Variants in HDGFL3 observed in about 807,000 individuals in gnomAD.
HDGFL3 encodes the protein HDGF like 3, also known as hepatoma-derived growth factor-related protein 3.
A neutral mutation model predicts 27.6 loss-of-function variants in HDGFL3; 6 were observed. That is an observed-to-expected ratio of 0.22 (90% confidence interval 0.12 to 0.43). The LOEUF (loss-of-function observed/expected upper bound fraction) is 0.43, where lower values mean the gene tolerates loss of function less well. Ranked by LOEUF, HDGFL3 falls within the 20% of genes least tolerant of loss-of-function variation. The probability of loss-of-function intolerance (pLI) is 1.00; values close to 1 mark genes in which losing one functional copy is unlikely to be tolerated. For missense variants in HDGFL3, 207 were observed against 250.1 expected (o/e 0.83, Z 1.16); for synonymous variants, 88 against 88.9 (o/e 0.99, Z 0.05).
chr15:83,197,222 C>T (rs922757798), intron 1 of HDGFL3, among the ~76,000 whole-genome samples: 1 of 152,194 alleles, frequency 6.6e-6, no homozygotes, highest in African/African-American at 2.4e-5. Context: ...AGTTCTTGAA[C>T]ACCTGGCATA....
At chr15:83,127,341 TTC>T (rs768361112), downstream of HDGFL3, 1 of 1,570,556 alleles carries the variant, frequency 6.4e-7, no homozygotes. Context: ...ATGATGTTAT[TTC>T]TCTGTTCAAT....
At position 83,121,356 on chromosome 15, in the gene HDGFL3, A is replaced by T. The variant is rs547918852; in HGVS notation, c.394-5615T>A. ...CTCAGCTTCTCAAAGTGCTGGGATT[A>T]CAGGCATGAGCCACCATGCTCGGCC... On this transcript the variant is annotated intron_variant, in intron 3 of 3. Coordinates refer to the HDGFL3 transcript ENST00000568294. 2.6e-4 allele frequency among the ~76,000 whole-genome samples: 40 copies of T among 151,750 alleles called. 2 individuals carry two copies. In the South Asian group the frequency reaches 7.9e-3, roughly 30 times the overall value.
intron 1 of HDGFL3, among the ~76,000 whole-genome samples, chr15:83,182,520 A>G (rs1460248865): frequency 6.6e-6 from 1 of 152,200 alleles, no homozygotes; most frequent in Non-Finnish European, 1.5e-5. Context: ...TCTTTAAAAC[A>G]CTATGCTAAA....
At chr15:83,192,770 G>A (rs1442541735) in intron 1 of HDGFL3, among the ~76,000 whole-genome samples, 1 of 152,164 alleles carries the variant, frequency 6.6e-6, no homozygotes, top group Non-Finnish European at 1.5e-5. Context: ...AAAAGTGGTA[G>A]CACAACCAAT....
intron 1 of HDGFL3, among the ~76,000 whole-genome samples, chr15:83,206,320 T>C (rs1377298562): frequency 1.3e-5 from 2 of 152,214 alleles, no homozygotes; most frequent in Non-Finnish European, 2.9e-5. Flanking sequence ...ACTGTTTCCG[T>C]TCCTAAAGAA....
intron 1 of HDGFL3, among the ~76,000 whole-genome samples, chr15:83,170,592 T>C (rs1042531979): frequency 2.6e-5 from 4 of 152,146 alleles, no homozygotes; most frequent in East Asian, 1.9e-4. Context: ...AAGTTCTAAA[T>C]GTAAGACCTC....
chr15:83,164,908 G>A (rs996666176), intron 1 of HDGFL3, among the ~76,000 whole-genome samples: 1 of 152,196 alleles, frequency 6.6e-6, no homozygotes, highest in African/African-American at 2.4e-5. Context: ...GAAACTGCAT[G>A]GAGTTGTTTA....
chr15:83,193,393 C>T (rs2037534988), intron 1 of HDGFL3, among the ~76,000 whole-genome samples: 1 of 152,118 alleles, frequency 6.6e-6, no homozygotes, highest in Non-Finnish European at 1.5e-5. Flanking sequence ...CCACCTCACA[C>T]CCATTAGGAT....
intron 4 of HDGFL3, among the ~76,000 whole-genome samples, chr15:83,151,816 TG>T (rs1264100639): frequency 2.0e-5 from 3 of 152,224 alleles, no homozygotes; most frequent in African/African-American, 7.2e-5. Flanking sequence ...ATATTCATGC[TG>T]GAACACCTCT....
In HDGFL3 at chr15:83,121,905, G is replaced by T. The variant is rs190032138; in HGVS notation, c.394-6164C>A. 1,758 of 1,569,098 alleles carry T rather than the reference G, an allele frequency of 1.1e-3. 4 individuals carry two copies. In the African/African-American group the frequency reaches 0.013, roughly 11 times the overall value. ...AAACATACCAAGTCAAGATTTTTTT[G>T]TTGTTGTTGTTACAGGGAAACTTAT... is the stretch of plus-strand genomic sequence containing the variant. On this transcript the variant is annotated intron_variant, in intron 3 of 3. Transcript: ENST00000568294.
At chr15:83,192,768 T>C (rs909643141) in intron 1 of HDGFL3, among the ~76,000 whole-genome samples, 2 of 152,220 alleles carry the variant, frequency 1.3e-5, no homozygotes, top group African/African-American at 4.8e-5. Context: ...ATAAAAGTGG[T>C]AGCACAACCA....
In HDGFL3 at chr15:83,136,788, TTGCTC is replaced by T; in HGVS notation, c.*2477_*2481del. 1 of 900,122 alleles carries T rather than the reference TTGCTC, an allele frequency of 1.1e-6. No homozygotes were observed. The highest frequency in any genetic ancestry group is 1.8e-5 in the South Asian group (1 of 55,132). The allele number at this position is 900,122 out of a possible 1,614,324, so 55.8% of individuals were successfully genotyped here. A position where few individuals can be genotyped will look rare whatever the true frequency, so the allele number is the denominator to read the frequency against. ...TGAGTACTTAAGAATATGTACATTC[TTGCTC>T]TGCACTGTATGTGTGAGCTATATGG... On this transcript the variant is annotated 3_prime_UTR_variant, in exon 6 of 6. Coordinates refer to ENST00000299633, the MANE Select transcript of HDGFL3 (RefSeq NM_016073.4).
intron 1 of HDGFL3, among the ~76,000 whole-genome samples, chr15:83,191,478 T>C (rs558382094): frequency 4.6e-5 from 7 of 152,198 alleles, no homozygotes; most frequent in Non-Finnish European, 7.3e-5. Flanking sequence ...ATTCTTCCCA[T>C]ACTAATCCAA....
rs958390195 is a variant in HDGFL3, at chr15:83,133,420, C to A, written c.*5850G>T. ...TCTCTATACATGTAAGAAAACAGCT[C>A]TTAAAATTTAACCTTTGTTCACCTT... On this transcript the variant is annotated 3_prime_UTR_variant, in exon 6 of 6. Coordinates refer to ENST00000299633, the MANE Select transcript of HDGFL3 (RefSeq NM_016073.4). The A allele has an allele frequency of 1.3e-5, 2 of 152,166 alleles. No individual in the cohort carries two copies. The highest frequency in any genetic ancestry group is 2.9e-5 in the Non-Finnish European group (2 of 68,032). 9.4% of individuals were successfully genotyped at this position (152,166 alleles called of 1,614,324 possible). A position where few individuals can be genotyped will look rare whatever the true frequency, so the allele number is the denominator to read the frequency against.
intron 1 of HDGFL3, among the ~76,000 whole-genome samples, chr15:83,183,827 C>A (rs1022734031): frequency 6.6e-6 from 1 of 151,748 alleles, no homozygotes; most frequent in Admixed American, 6.6e-5. Flanking sequence ...GTTTCCAGTT[C>A]TAAACCTGGT....
chr15:83,158,129 C>A, intron 2 of HDGFL3, 88 bp from the exon 3 acceptor site: 1 of 1,108,860 alleles, frequency 9.0e-7, no homozygotes, highest in Non-Finnish European at 1.3e-6. Context: ...GATGTCAGAG[C>A]ATACTATAGC....
chr15:83,175,770 G>A (rs575882069), intron 1 of HDGFL3, among the ~76,000 whole-genome samples: 164 of 152,350 alleles, frequency 1.1e-3, no homozygotes, highest in African/African-American at 3.5e-3. Flanking sequence ...TGAGGCAGGA[G>A]AATGGTGTGA....
chr15:83,131,304 A>C lies in HDGFL3; in HGVS notation c.*7966T>G, dbSNP rs1445133105. On this transcript the variant is annotated 3_prime_UTR_variant, in exon 6 of 6. Coordinates refer to ENST00000299633, the MANE Select transcript of HDGFL3 (RefSeq NM_016073.4). The stretch of plus-strand genomic sequence containing the variant: ...TAAGGGAAAAAAAAACCACCTTTGA[A>C]AAGTTCTAGATCAGTATAGGCCAAT... 1 of 152,100 alleles carries C rather than the reference A, an allele frequency of 6.6e-6. No individual in the cohort carries two copies. Among genetic ancestry groups the C allele is most frequent in the Non-Finnish European group, 1.5e-5 (1 of 68,028 alleles). 9.4% of individuals were successfully genotyped at this position (152,100 alleles called of 1,614,324 possible). A position where few individuals can be genotyped will look rare whatever the true frequency, so the allele number is the denominator to read the frequency against.
At chr15:83,153,719 T>C (rs994932074) in intron 4 of HDGFL3, among the ~76,000 whole-genome samples, 4 of 152,204 alleles carry the variant, frequency 2.6e-5, no homozygotes, top group South Asian at 2.1e-4. Context: ...CTATTGTAAA[T>C]AGTAAATAAT....
Sources: allele counts gnomAD v4.1 joint callset (sites outside exome capture counted in the v4.1 genomes callset), GRCh38; gene constraint gnomAD v4.1.1; transcripts MANE v1.5; gene names NCBI Gene and HGNC (gene_info 2026-07-23, HGNC 2026-07-21).